COL25A1: variants seen among roughly 807,000 people sequenced by gnomAD.
COL25A1 encodes the protein collagen alpha-1(XXV) chain.
Under a neutral mutation model 128.4 loss-of-function variants are expected in COL25A1, and 103 were observed. The observed-to-expected ratio is 0.80, with a 90% CI of 0.68 to 0.94. The LOEUF (loss-of-function observed/expected upper bound fraction) is 0.94. Ranked by LOEUF, COL25A1 falls within the 40% of genes least tolerant of loss-of-function variation. The pLI is 0.00. For synonymous variants in COL25A1, 279 were observed against 277.2 expected (o/e 1.01, Z -0.06); for missense variants, 745 against 840.0 (o/e 0.89, Z 1.40).
At chr4:109,200,216 G>A (rs1041756588) in intron 3 of COL25A1, among the ~76,000 whole-genome samples, 1 of 152,156 alleles carries the variant, frequency 6.6e-6, no homozygotes, top group African/African-American at 2.4e-5. Flanking sequence ...AATCAGATGT[G>A]CTCAAGCCTC....
At chr4:108,972,254 G>T (rs868391907) in intron 8 of COL25A1, among the ~76,000 whole-genome samples, 24 of 152,066 alleles carry the variant, frequency 1.6e-4, no homozygotes, top group South Asian at 1.5e-3. Flanking sequence ...AATGGACAGG[G>T]TATTGGAATA....
At position 109,253,229 on chromosome 4, in the gene COL25A1, G is replaced by A. The variant is rs78745736; in HGVS notation, c.367+47354C>T. Among the ~76,000 whole-genome samples, 22 of 152,292 alleles carry A rather than the reference G, an allele frequency of 1.4e-4. No homozygotes were observed. The East Asian group carries it at 3.9e-3, about 27-fold the overall frequency. ...AATATGATGATGTAAGGAGATTTATGATAAGGAATTTGTGCACATGATTAT... is the reference window on the plus strand; with the variant it reads ...AATATGATGATGTAAGGAGATTTATAATAAGGAATTTGTGCACATGATTAT... On this transcript the variant is annotated intron_variant, in intron 3 of 37. Transcript: ENST00000399132.
chr4:109,164,833 C>T (rs1772915976), intron 3 of COL25A1, among the ~76,000 whole-genome samples: 1 of 152,100 alleles, frequency 6.6e-6, no homozygotes, highest in East Asian at 1.9e-4. Flanking sequence ...ACTTCCAGCC[C>T]AGTCTATCTG....
chr4:109,181,401 C>A (rs1774614773), intron 3 of COL25A1, among the ~76,000 whole-genome samples: 2 of 152,038 alleles, frequency 1.3e-5, no homozygotes, highest in Non-Finnish European at 2.9e-5. Context: ...TTCAGTAAAA[C>A]ATCATATGCC....
intron 3 of COL25A1, among the ~76,000 whole-genome samples, chr4:109,197,200 C>T (rs1192327078): frequency 6.7e-6 from 1 of 149,530 alleles, no homozygotes; most frequent in Non-Finnish European, 1.5e-5. Flanking sequence ...GCGGTGCATG[C>T]CTCTAATCCC....
intron 3 of COL25A1, among the ~76,000 whole-genome samples, chr4:109,280,369 AATCTTACCAACTTTACGGGAAAC>A (rs1723258488): frequency 6.6e-6 from 1 of 152,234 alleles, no homozygotes; most frequent in African/African-American, 2.4e-5. Context: ...GTTTAACCTG[AATCTTACCAACTTTACGGGAAAC>A]ATAAGGAATA....
At chr4:109,162,347 C>T (rs1772658047) in intron 3 of COL25A1, among the ~76,000 whole-genome samples, 1 of 152,112 alleles carries the variant, frequency 6.6e-6, no homozygotes, top group African/African-American at 2.4e-5. Flanking sequence ...GCAGATCATA[C>T]TGGAGAGTGC....
intron 6 of COL25A1, among the ~76,000 whole-genome samples, chr4:108,982,849 C>G (rs1753135581): frequency 6.6e-6 from 1 of 152,132 alleles, no homozygotes; most frequent in Non-Finnish European, 1.5e-5. Flanking sequence ...CATCTGAGCC[C>G]TGAACAAGGG....
intron 35 of COL25A1, chr4:108,819,702 T>C (rs1405008008): frequency 6.3e-6 from 3 of 477,474 alleles, no homozygotes; most frequent in East Asian, 3.5e-5. Context: ...AAGTCCATGT[T>C]AAATGAGCCC....
chr4:109,207,398 C>T (rs1196227653), intron 3 of COL25A1, among the ~76,000 whole-genome samples: 1 of 152,078 alleles, frequency 6.6e-6, no homozygotes, highest in East Asian at 1.9e-4. Context: ...AATATCAGAG[C>T]TGGAGTGATT....
intron 30 of COL25A1, among the ~76,000 whole-genome samples, chr4:108,842,537 A>G (rs1402031952): frequency 1.3e-5 from 2 of 152,232 alleles, no homozygotes; most frequent in Non-Finnish European, 2.9e-5. Flanking sequence ...ATCCATCAGT[A>G]AAATTATAAA....
At chr4:109,198,911 C>T (rs550900368) in intron 3 of COL25A1, among the ~76,000 whole-genome samples, 1 of 152,278 alleles carries the variant, frequency 6.6e-6, no homozygotes, top group South Asian at 2.1e-4. Context: ...ACACTAAACA[C>T]TTCCCTGTAC....
At chr4:108,963,882 C>T (rs1313033447) in intron 8 of COL25A1, among the ~76,000 whole-genome samples, 1 of 151,268 alleles carries the variant, frequency 6.6e-6, no homozygotes. Flanking sequence ...AATAGTGCCC[C>T]TAAGCCTGAA....
At chr4:109,154,526 T>C (rs950806577) in intron 3 of COL25A1, among the ~76,000 whole-genome samples, 2 of 152,162 alleles carry the variant, frequency 1.3e-5, no homozygotes, top group Non-Finnish European at 2.9e-5. Context: ...AGGGACTGCA[T>C]GGTGTGACTG....
intron 13 of COL25A1, among the ~76,000 whole-genome samples, chr4:108,906,490 C>T (rs939058112): frequency 6.6e-6 from 1 of 152,152 alleles, no homozygotes; most frequent in Non-Finnish European, 1.5e-5. Flanking sequence ...TACCAACTGC[C>T]GCCTAAGATA....
At chr4:108,880,022 TG>T (rs1739935240) in intron 19 of COL25A1, among the ~76,000 whole-genome samples, 4 of 151,704 alleles carry the variant, frequency 2.6e-5, no homozygotes, top group Non-Finnish European at 5.9e-5. Flanking sequence ...TTGGTCAGGC[TG>T]GTCTCAAACT....
At chr4:109,168,806 G>A (rs537147379) in intron 3 of COL25A1, among the ~76,000 whole-genome samples, 5 of 152,250 alleles carry the variant, frequency 3.3e-5, no homozygotes, top group Non-Finnish European at 5.9e-5. Flanking sequence ...TTATCCTAGA[G>A]AGAATAAAAT....
At chr4:108,982,020 CTCGTCTCTACTAAAA>C (rs1411763030) in intron 6 of COL25A1, among the ~76,000 whole-genome samples, 1 of 152,048 alleles carries the variant, frequency 6.6e-6, no homozygotes, top group African/African-American at 2.4e-5. Context: ...ATGGTGAAAC[CTCGTCTCTACTAAAA>C]ATACAAAAAT....
intron 8 of COL25A1, among the ~76,000 whole-genome samples, chr4:108,971,867 G>A (rs532883197): frequency 3.6e-4 from 55 of 152,208 alleles, no homozygotes; most frequent in Non-Finnish European, 6.2e-4. Context: ...GTAGAAGAGA[G>A]AGATAAGTGG....
Sources: gnomAD v4.1 joint callset for allele counts (sites outside exome capture counted in the v4.1 genomes callset) on GRCh38, gnomAD v4.1.1 for gene constraint, MANE v1.5 for transcripts, NCBI Gene and HGNC (gene_info 2026-07-23, HGNC 2026-07-21) for gene names.